COL22A1: variants seen among roughly 807,000 people sequenced by gnomAD.
The protein encoded by COL22A1 is collagen alpha-1(XXII) chain.
In COL22A1, 221 loss-of-function variants were observed where a neutral mutation model predicts 248.9. That is an observed-to-expected ratio of 0.89 (90% CI 0.80 to 0.99). The LOEUF is 0.99. Among genes scored for constraint, COL22A1 ranks in the 50% least tolerant of loss-of-function variants. The pLI, the probability that COL22A1 is intolerant of heterozygous loss-of-function variation, is 0.00. For synonymous variants in COL22A1, 891 were observed against 793.4 expected, an observed-to-expected ratio of 1.12 and a Z score of -2.07; for missense variants, 2,240 against 2,179.0, an observed-to-expected ratio of 1.03 and a Z score of -0.56.
intron 6 of COL22A1, 62 bp from the exon 7 acceptor site, chr8:138,821,473 G>A: frequency 6.5e-7 from 1 of 1,530,416 alleles, no homozygotes; most frequent in Non-Finnish European, 9.0e-7. Context: ...AGGAGAGAAT[G>A]GGAAACGGGA....
rs558521053 is a variant in COL22A1 at position 138,810,436 on chromosome 8, C to T, written c.1449+1363G>A. On this transcript the variant is annotated intron_variant, in intron 9 of 64. Transcript: ENST00000303045. ...AAAAACCATATCCTCAGCCTGACTG[C>T]GGTGGACCTTAGCCTGCCGGGGGTG... is the stretch of plus-strand genomic sequence containing the variant. Among the ~76,000 whole-genome samples, 9 of 152,334 alleles carry T rather than the reference C, an allele frequency of 5.9e-5. No homozygotes were observed. In the South Asian group the frequency reaches 1.4e-3, roughly 25 times the overall value.
intron 3 of COL22A1, among the ~76,000 whole-genome samples, chr8:138,851,052 G>C (rs1821602252): frequency 1.3e-5 from 2 of 152,336 alleles, no homozygotes; most frequent in Middle Eastern, 3.4e-3. Context: ...AGGAGGCAGA[G>C]AGCAACACAG....
intron 32 of COL22A1, among the ~76,000 whole-genome samples, chr8:138,697,968 C>T (rs776140896): frequency 2.6e-5 from 4 of 152,220 alleles, no homozygotes; most frequent in African/African-American, 4.8e-5. Flanking sequence ...CGCAGCAATG[C>T]AGAGCCTGCA....
At chr8:138,610,227 G>A (rs1414725455) in intron 56 of COL22A1, among the ~76,000 whole-genome samples, 1 of 152,204 alleles carries the variant, frequency 6.6e-6, no homozygotes, top group Non-Finnish European at 1.5e-5. Flanking sequence ...GAAAATGAAT[G>A]AATCATGTAA....
In COL22A1 at chr8:138,629,579, C is replaced by T. The variant is rs548037493; in HGVS notation, c.3663+1116G>A. ...AACCATGTGGCTGTGATTTTTCAGA[C>T]TCAACATCCGTCTGGCTGCCTGGAC... On this transcript the variant is annotated intron_variant, in intron 50 of 64. Transcript: ENST00000303045. Among the ~76,000 whole-genome samples the T allele has an allele frequency of 7.2e-5, 11 of 152,334 alleles. No homozygotes were observed. The South Asian group carries it at 2.1e-3, about 29-fold the overall frequency.
At chr8:138,781,332 G>T (rs886925195) in intron 12 of COL22A1, among the ~76,000 whole-genome samples, 2 of 152,112 alleles carry the variant, frequency 1.3e-5, no homozygotes, top group Admixed American at 6.5e-5. Context: ...TAGAGGATTG[G>T]GCTGCAGCGG....
chr8:138,644,548 C>T (rs1391669158), intron 47 of COL22A1, among the ~76,000 whole-genome samples: 1 of 151,988 alleles, frequency 6.6e-6, no homozygotes, highest in Non-Finnish European at 1.5e-5. Flanking sequence ...GCCTGACCAC[C>T]ATCTCTGGAC....
At chr8:138,826,625 G>A (rs1360635049) in intron 6 of COL22A1, 33 bp downstream of exon 6, 1 of 1,611,234 alleles carries the variant, frequency 6.2e-7, no homozygotes, top group Non-Finnish European at 8.5e-7. Flanking sequence ...AGAAAGCTCA[G>A]GACCACTGAG....
intron 30 of COL22A1, among the ~76,000 whole-genome samples, chr8:138,710,307 G>A (rs2131047076): frequency 1.3e-5 from 2 of 152,240 alleles, no homozygotes; most frequent in South Asian, 4.1e-4. Context: ...TGTGCCACAT[G>A]GTCCCAGGGG....
chr8:138,867,914 G>A (rs546702575), intron 3 of COL22A1, among the ~76,000 whole-genome samples: 1 of 152,208 alleles, frequency 6.6e-6, no homozygotes, highest in South Asian at 2.1e-4. Flanking sequence ...ATAGGCACAT[G>A]CCAACATGCC....
chr8:138,694,382 C>A (rs1827327528), intron 34 of COL22A1, 126 bp downstream of exon 34: 1 of 957,542 alleles, frequency 1.0e-6, no homozygotes, highest in Non-Finnish European at 1.7e-6. Flanking sequence ...CACATTGGGG[C>A]TGCTCTGCCC....
chr8:138,694,316 G>C (rs2130931352), intron 34 of COL22A1, among the ~76,000 whole-genome samples, 192 bp downstream of exon 34: 1 of 152,294 alleles, frequency 6.6e-6, no homozygotes, highest in Admixed American at 6.5e-5. Flanking sequence ...CAGAGGTGGG[G>C]CCTGGCCCCA....
intron 22 of COL22A1, among the ~76,000 whole-genome samples, chr8:138,747,588 T>C (rs1832227884): frequency 6.6e-6 from 1 of 152,136 alleles, no homozygotes; most frequent in South Asian, 2.1e-4. Context: ...TGTCCTCACC[T>C]CTGGAGAGCC....
In COL22A1 at chr8:138,826,663, G is replaced by A; in HGVS notation, c.964C>T (p.Pro322Ser). The change falls in exon 6 of 65, where the codon CCA (proline) becomes TCA (serine). Residue 322 changes from proline (P) to serine (S), a missense_variant. By Grantham distance (74) the Pro-to-Ser change is moderately conservative (BLOSUM62 -1). Coordinates refer to ENST00000303045, the MANE Select transcript of COL22A1 (RefSeq NM_152888.3). ...IWQVIDQYSI[P>S]QVSIRLDGEN... ...AAGGCATCTGCTGCCCTTACCTGTGGGATGCTGTACTGGTCGATGACCTGC... is the reference window on the plus strand; with the variant it reads ...AAGGCATCTGCTGCCCTTACCTGTGAGATGCTGTACTGGTCGATGACCTGC... 6.2e-7 allele frequency: 1 copy of A among 1,613,738 alleles called. No homozygotes were observed. Among genetic ancestry groups the A allele is most frequent in the Non-Finnish European group, 8.5e-7 (1 of 1,179,788 alleles).
intron 6 of COL22A1, among the ~76,000 whole-genome samples, chr8:138,824,829 G>A (rs1819454108): frequency 2.0e-5 from 3 of 152,098 alleles, no homozygotes; most frequent in South Asian, 2.1e-4. Flanking sequence ...TTCTGGTGAC[G>A]GGCACTCAAC....
chr8:138,833,256 A>G lies in COL22A1; in HGVS notation c.734-106T>C, dbSNP rs1274886861. ...AAAGGCAGCCTGCCCATCCTGCCCC[A>G]GGAGAACAGATCGGGAGGGAGTTGT... On this transcript the variant is annotated intron_variant, in intron 4 of 64. Transcript: ENST00000303045. 11 of 750,352 alleles carry G rather than the reference A, an allele frequency of 1.5e-5. No individual in the cohort carries two copies. In the African/African-American group the frequency reaches 1.7e-4, roughly 12 times the overall value. The allele number at this position is 750,352 out of a possible 1,614,324, so 46.5% of individuals were successfully genotyped here.
chr8:138,598,422 T>C (rs962442025), intron 61 of COL22A1, among the ~76,000 whole-genome samples: 5 of 152,212 alleles, frequency 3.3e-5, no homozygotes, highest in East Asian at 1.9e-4. Context: ...AATTAAGTCT[T>C]AAGGATTCAT....
At chr8:138,629,840 T>C (rs970118735) in intron 50 of COL22A1, among the ~76,000 whole-genome samples, 1 of 152,186 alleles carries the variant, frequency 6.6e-6, no homozygotes, top group East Asian at 1.9e-4. Flanking sequence ...TAGCTGGCCT[T>C]GGAATATGAT....
intron 41 of COL22A1, among the ~76,000 whole-genome samples, chr8:138,672,708 T>A (rs1259577999): frequency 6.6e-6 from 1 of 152,210 alleles, no homozygotes; most frequent in Non-Finnish European, 1.5e-5. Flanking sequence ...ATGACATCAC[T>A]GGGGCAAAGG....
Sources: gnomAD v4.1 joint callset for allele counts (sites outside exome capture counted in the v4.1 genomes callset) on GRCh38, gnomAD v4.1.1 for gene constraint, MANE v1.5 for transcripts, NCBI Gene and HGNC (gene_info 2026-07-23, HGNC 2026-07-21) for gene names.